Variants in SLC24A2 observed in about 807,000 individuals in gnomAD.
SLC24A2 encodes solute carrier family 24 member 2.
Under a neutral mutation model 62.0 loss-of-function variants are expected in SLC24A2, and 36 were observed. The observed-to-expected ratio is 0.58, with a 90% CI of 0.44 to 0.77. The LOEUF is 0.77. SLC24A2 is among the 30% of genes least tolerant of loss of function. The probability of loss-of-function intolerance (pLI) is 0.00; values close to 1 mark genes in which losing one functional copy is unlikely to be tolerated. For missense variants in SLC24A2, 846 were observed against 817.9 expected, an observed-to-expected ratio of 1.03 and a Z score of -0.42; for synonymous variants, 358 against 294.0, an observed-to-expected ratio of 1.22 and a Z score of -2.23.
chr9:19,798,824 T>G, the SLC24A2 span, among the ~76,000 whole-genome samples: 1 of 152,214 alleles, frequency 6.6e-6, no homozygotes, highest in African/African-American at 2.4e-5. Flanking sequence ...CTCTCTCTAC[T>G]TTTTCTCAAA....
At chr9:20,298,681 T>C in the SLC24A2 span, among the ~76,000 whole-genome samples, 1 of 152,388 alleles carries the variant, frequency 6.6e-6, no homozygotes, top group South Asian at 2.1e-4. Context: ...GCCTGTGGGC[T>C]AAACACTACA....
chr9:19,846,364 T>C, the SLC24A2 span, among the ~76,000 whole-genome samples: 3 of 152,306 alleles, frequency 2.0e-5, no homozygotes, highest in South Asian at 6.2e-4. Context: ...TGTCCTTTTT[T>C]ACTATTGCTG....
At chr9:19,682,805 T>C (rs1226810663) in intron 2 of SLC24A2, among the ~76,000 whole-genome samples, 3 of 152,120 alleles carry the variant, frequency 2.0e-5, no homozygotes, top group Non-Finnish European at 4.4e-5. Flanking sequence ...TCTAAGCAAG[T>C]TATGGAAGAG....
the SLC24A2 span, among the ~76,000 whole-genome samples, chr9:20,236,283 G>A: frequency 6.6e-6 from 1 of 152,176 alleles, no homozygotes; most frequent in Admixed American, 6.5e-5. Context: ...AGGTAAGCAA[G>A]CAGCCCTTAA....
At chr9:20,095,350 G>T in the SLC24A2 span, among the ~76,000 whole-genome samples, 2 of 152,172 alleles carry the variant, frequency 1.3e-5, no homozygotes, top group African/African-American at 2.4e-5. Context: ...GGCCCACAGG[G>T]TGCCTAGATA....
At chr9:19,532,210 G>A (rs182244723) in intron 8 of SLC24A2, among the ~76,000 whole-genome samples, 1 of 152,124 alleles carries the variant, frequency 6.6e-6, no homozygotes, top group African/African-American at 2.4e-5. Context: ...AGCCTCCTGA[G>A]GTAGGGTTTA....
the SLC24A2 span, among the ~76,000 whole-genome samples, chr9:20,253,008 C>G: frequency 6.6e-6 from 1 of 152,198 alleles, no homozygotes; most frequent in African/African-American, 2.4e-5. Flanking sequence ...CCAGGCTCTT[C>G]CTTTCTAGGG....
chr9:20,105,095 CA>C, the SLC24A2 span, among the ~76,000 whole-genome samples: 13 of 152,190 alleles, frequency 8.5e-5, no homozygotes, highest in Admixed American at 2.0e-4. Flanking sequence ...TCAAAAGAGA[CA>C]AAGAAGGCCA....
At chr9:19,996,623 TC>T in the SLC24A2 span, among the ~76,000 whole-genome samples, 2 of 151,778 alleles carry the variant, frequency 1.3e-5, no homozygotes, top group East Asian at 3.9e-4. Flanking sequence ...GTGCCTGGAA[TC>T]CCAGCTACTC....
chr9:19,563,831 TCCCTCCCTCCCTCCCTCCCTC>T (rs1835534915), intron 7 of SLC24A2, among the ~76,000 whole-genome samples: 1 of 67,728 alleles, frequency 1.5e-5, no homozygotes, highest in Non-Finnish European at 2.6e-5. Context: ...CCTTCCTCCC[TCCCTCCCTCCCTCCCTCCCTC>T]CCTCCCTCCC....
chr9:19,820,036 TATATACATATATATATATAC>T, the SLC24A2 span, among the ~76,000 whole-genome samples: 16 of 35,678 alleles, frequency 4.5e-4, 1 homozygote, highest in Non-Finnish European at 1.6e-3. Context: ...CACATATATA[TATATACATATATATATATAC>T]ACATATATAT....
chr9:20,195,272 T>G, the SLC24A2 span, among the ~76,000 whole-genome samples: 1 of 152,300 alleles, frequency 6.6e-6, no homozygotes, highest in African/African-American at 2.4e-5. Context: ...TAACTATTAT[T>G]TATACACACA....
the SLC24A2 span, among the ~76,000 whole-genome samples, chr9:19,948,040 G>A: frequency 6.6e-6 from 1 of 152,080 alleles, no homozygotes; most frequent in South Asian, 2.1e-4. Context: ...CTGTAACAGA[G>A]CAATCATCTC....
At chr9:20,157,940 C>G in the SLC24A2 span, among the ~76,000 whole-genome samples, 4 of 151,470 alleles carry the variant, frequency 2.6e-5, no homozygotes, top group Admixed American at 2.6e-4. Context: ...CAGTGCTATG[C>G]AAAGATCCTA....
At chr9:19,576,845 G>T in intron 6 of SLC24A2, 79 bp downstream of exon 6, 1 of 1,014,968 alleles carries the variant, frequency 9.9e-7, no homozygotes. Flanking sequence ...TGAGTCAGGG[G>T]TGCCCACACT....
chr9:19,996,096 G>T, the SLC24A2 span, among the ~76,000 whole-genome samples: 2 of 152,236 alleles, frequency 1.3e-5, no homozygotes, highest in East Asian at 3.8e-4. Context: ...AACTGTGCAT[G>T]CATGAACTAT....
intron 2 of SLC24A2, among the ~76,000 whole-genome samples, chr9:19,703,069 G>A (rs1027258912): frequency 6.6e-6 from 1 of 152,114 alleles, no homozygotes; most frequent in Non-Finnish European, 1.5e-5. Flanking sequence ...ACATTCTTTT[G>A]TGTTTGTGTG....
intron 2 of SLC24A2, among the ~76,000 whole-genome samples, chr9:19,682,927 G>C (rs2118405109): frequency 6.6e-6 from 1 of 152,172 alleles, no homozygotes; most frequent in South Asian, 2.1e-4. Flanking sequence ...GTCTCAGAGT[G>C]AGATGGATTA....
intron 4 of SLC24A2, among the ~76,000 whole-genome samples, chr9:19,614,489 T>TCACTGAAA (rs1817713210): frequency 6.6e-6 from 1 of 152,196 alleles, no homozygotes; most frequent in South Asian, 2.1e-4. Context: ...ACAATGTATG[T>TCACTGAAA]CACTGAAACA....
Sources: allele counts gnomAD v4.1 joint callset (sites outside exome capture counted in the v4.1 genomes callset), GRCh38; gene constraint gnomAD v4.1.1; transcripts MANE v1.5; gene names NCBI Gene and HGNC (gene_info 2026-07-23, HGNC 2026-07-21).